Variants in CDIN1 observed in about 807,000 individuals in gnomAD.
The protein encoded by CDIN1 is CDAN1 interacting nuclease 1, also known as CDAN1-interacting nuclease 1.
Under a neutral mutation model 45.3 loss-of-function variants are expected in CDIN1, and 33 were observed. The ratio of observed to expected loss-of-function variants is 0.73; its 90% CI spans 0.55 to 0.97. The LOEUF (loss-of-function observed/expected upper bound fraction) is 0.97, where lower values mean the gene tolerates loss of function less well. Among genes scored for constraint, CDIN1 ranks in the 50% least tolerant of loss-of-function variants. The pLI, the probability that CDIN1 is intolerant of heterozygous loss-of-function variation, is 0.00. For missense variants in CDIN1, 303 were observed against 339.4 expected (o/e 0.89, Z 0.84); for synonymous variants, 118 against 124.4 (o/e 0.95, Z 0.34).
At chr15:36,663,498 C>A (rs562301935) in intron 5 of CDIN1, among the ~76,000 whole-genome samples, 1 of 152,208 alleles carries the variant, frequency 6.6e-6, no homozygotes, top group Admixed American at 6.5e-5. Flanking sequence ...GCGGTTACCC[C>A]CATGCTTTTG....
chr15:36,803,748 A>G (rs1249015032), intron 10 of CDIN1, among the ~76,000 whole-genome samples: 1 of 152,202 alleles, frequency 6.6e-6, no homozygotes, highest in Non-Finnish European at 1.5e-5. Flanking sequence ...GAACATGATG[A>G]GTGTGTTAGT....
chr15:36,743,493 G>A (rs994219375), intron 10 of CDIN1, among the ~76,000 whole-genome samples: 1 of 152,096 alleles, frequency 6.6e-6, no homozygotes, highest in African/African-American at 2.4e-5. Flanking sequence ...ACTAATCCTA[G>A]TATCAGTGGA....
intron 10 of CDIN1, among the ~76,000 whole-genome samples, chr15:36,785,972 G>A (rs1303530874): frequency 2.0e-5 from 3 of 152,120 alleles, no homozygotes; most frequent in Admixed American, 6.6e-5. Flanking sequence ...TCATTAAATT[G>A]AGATCAGCAA....
intron 5 of CDIN1, among the ~76,000 whole-genome samples, chr15:36,668,570 G>A (rs894196236): frequency 2.0e-5 from 3 of 152,104 alleles, no homozygotes; most frequent in African/African-American, 4.8e-5. Flanking sequence ...CAATGAACGA[G>A]TGGGAGAATC....
At chr15:36,691,836 T>A (rs1329551581) in intron 6 of CDIN1, 72 bp downstream of exon 6, 1 of 1,172,582 alleles carries the variant, frequency 8.5e-7, no homozygotes, top group Non-Finnish European at 1.2e-6. Flanking sequence ...ATTTTAAACC[T>A]CATTTAATTA....
At chr15:36,801,496 GT>G (rs145479619) in intron 10 of CDIN1, among the ~76,000 whole-genome samples, 15,903 of 152,106 alleles carry the variant, frequency 0.1, 1,046 homozygotes, top group African/African-American at 0.18. Context: ...TGTTTAACAA[GT>G]TCTGAACCTT....
intron 9 of CDIN1, 68 bp from the exon 10 acceptor site, chr15:36,709,788 T>C (rs2042991078): frequency 1.7e-6 from 2 of 1,208,222 alleles, no homozygotes; most frequent in Admixed American, 1.7e-5. Context: ...TAGAGAGGCC[T>C]GTACAGAGTT....
chr15:36,624,990 A>T (rs1203854456), intron 1 of CDIN1, among the ~76,000 whole-genome samples: 5 of 152,178 alleles, frequency 3.3e-5, no homozygotes, highest in Non-Finnish European at 1.5e-5. Context: ...TTTAAAAAGT[A>T]TATTAGGCTG....
chr15:36,657,976 T>C (rs879296321), intron 5 of CDIN1, 71 bp downstream of exon 5: 12 of 1,307,922 alleles, frequency 9.2e-6, no homozygotes, highest in Non-Finnish European at 1.3e-5. Context: ...TTACACAGCA[T>C]TTCAAGTCAC....
chr15:36,690,676 T>C (rs2042217605), intron 5 of CDIN1, among the ~76,000 whole-genome samples: 1 of 152,226 alleles, frequency 6.6e-6, no homozygotes, highest in Admixed American at 6.5e-5. Context: ...ACTTGAATGA[T>C]GATAATTAGA....
chr15:36,608,504 T>G (rs1033169412), intron 1 of CDIN1, among the ~76,000 whole-genome samples: 1 of 152,190 alleles, frequency 6.6e-6, no homozygotes, highest in Non-Finnish European at 1.5e-5. Flanking sequence ...CTTTGTTCAT[T>G]TTCTAATTGG....
chr15:36,644,645 A>G (rs771969817), intron 2 of CDIN1, among the ~76,000 whole-genome samples: 1 of 152,048 alleles, frequency 6.6e-6, no homozygotes, highest in Non-Finnish European at 1.5e-5. Context: ...GCTGCTTTCC[A>G]TTGCTGACAG....
chr15:36,658,231 G>T (rs372661177), intron 5 of CDIN1: 13 of 185,160 alleles, frequency 7.0e-5, no homozygotes, highest in Admixed American at 3.1e-4. Context: ...GGCTCTAAAA[G>T]AAACATTCAT....
At chr15:36,696,861 C>G (rs1314633989) in intron 7 of CDIN1, among the ~76,000 whole-genome samples, 1 of 150,408 alleles carries the variant, frequency 6.6e-6, no homozygotes, top group Non-Finnish European at 1.5e-5. Context: ...CCTGTAATCC[C>G]AGCACTTTGA....
At chr15:36,796,677 G>T (rs1566979858) in intron 10 of CDIN1, among the ~76,000 whole-genome samples, 1 of 152,196 alleles carries the variant, frequency 6.6e-6, no homozygotes, top group Non-Finnish European at 1.5e-5. Flanking sequence ...ATCCCCATGA[G>T]ATGTTGCCCT....
At chr15:36,619,586 A>G (rs963333347) in intron 1 of CDIN1, among the ~76,000 whole-genome samples, 1 of 151,140 alleles carries the variant, frequency 6.6e-6, no homozygotes, top group Non-Finnish European at 1.5e-5. Flanking sequence ...ATTTGCAGAG[A>G]TTTGCTGCCA....
intron 10 of CDIN1, chr15:36,799,628 C>T (rs1422078747): frequency 6.6e-6 from 1 of 152,168 alleles, no homozygotes; most frequent in Non-Finnish European, 1.5e-5. Context: ...TTACTGTGAA[C>T]CCTTTGGCAT....
chr15:36,649,796 G>A lies in CDIN1; in HGVS notation c.213-4302G>A, dbSNP rs569183205. Among the ~76,000 whole-genome samples the A allele has an allele frequency of 6.6e-5, 10 of 152,302 alleles. No homozygotes were observed. The East Asian group carries it at 1.7e-3, about 26-fold the overall frequency. The stretch of plus-strand genomic sequence containing the variant: ...TGGAACTCCCACAGCACTCTGTATA[G>A]ACATACCTCTGTTAGCACTTCTCTT... On this transcript the variant is annotated intron_variant, in intron 3 of 10. Coordinates refer to ENST00000566621, the MANE Select transcript of CDIN1 (RefSeq NM_001321759.2).
At chr15:36,743,898 A>G (rs1280399336) in intron 10 of CDIN1, among the ~76,000 whole-genome samples, 1 of 152,026 alleles carries the variant, frequency 6.6e-6, no homozygotes, top group Non-Finnish European at 1.5e-5. Flanking sequence ...AAAACAAAAT[A>G]AAACCAAAAA....
Sources: gnomAD v4.1 joint callset for allele counts (sites outside exome capture counted in the v4.1 genomes callset) on GRCh38, gnomAD v4.1.1 for gene constraint, MANE v1.5 for transcripts, NCBI Gene and HGNC (gene_info 2026-07-23, HGNC 2026-07-21) for gene names.